Variants in ATP11C observed in about 807,000 individuals in gnomAD.
The protein encoded by ATP11C is phospholipid-transporting ATPase IG.
Under a neutral mutation model 97.4 loss-of-function variants are expected in ATP11C, and 36 were observed. That is an observed-to-expected ratio of 0.37 (90% CI 0.28 to 0.49). ATP11C has a LOEUF of 0.49. Ranked by LOEUF, ATP11C falls within the 20% of genes least tolerant of loss-of-function variation. The pLI, the probability that ATP11C is intolerant of heterozygous loss-of-function variation, is 0.98. For missense variants in ATP11C, 730 were observed against 824.6 expected, an observed-to-expected ratio of 0.89 and a Z score of 1.40; for synonymous variants, 275 against 290.9, an observed-to-expected ratio of 0.95 and a Z score of 0.56.
intron 27 of ATP11C, 38 bp downstream of exon 27, chrX:139,740,953 G>A (rs367963772): frequency 3.4e-6 from 3 of 879,332 alleles, no homozygotes; most frequent in Non-Finnish European, 5.0e-6. Context: ...TATCTACTTT[G>A]CTATTTACAT....
intron 20 of ATP11C, among the ~76,000 whole-genome samples, chrX:139,765,361 T>G: frequency 9.0e-6 from 1 of 111,707 alleles, no homozygotes; most frequent in East Asian, 2.8e-4. Flanking sequence ...ATAAATGAAG[T>G]AGTAGAGTTA....
chrX:139,898,271 T>C (rs1187981220), intron 1 of ATP11C, among the ~76,000 whole-genome samples: 2 of 111,503 alleles, frequency 1.8e-5, no homozygotes, highest in African/African-American at 6.5e-5. Flanking sequence ...GCTGTTATTA[T>C]CCCTTCAGAT....
In ATP11C at chrX:139,914,134, A is replaced by G. The variant is rs550253440; in HGVS notation, c.27+17882T>C. Among the ~76,000 whole-genome samples, 128 of 112,301 alleles carry G rather than the reference A, an allele frequency of 1.1e-3. 1 individual carries two copies. The South Asian group carries it at 0.013, about 11-fold the overall frequency. Reference sequence around the variant, plus strand: ...GCCCATGCAGTTCACAGATAAGGAAACTGAAGACAAGGGCAATAGAACTGA... The same window carrying G: ...GCCCATGCAGTTCACAGATAAGGAAGCTGAAGACAAGGGCAATAGAACTGA... On this transcript the variant is annotated intron_variant, in intron 1 of 29. Transcript: ENST00000682941.
chrX:139,924,190 G>T (rs369019230), intron 1 of ATP11C: 7 of 384,448 alleles, frequency 1.8e-5, no homozygotes, highest in Non-Finnish European at 3.7e-5. Flanking sequence ...CGCTAAACTG[G>T]CAGAAACATC....
At chrX:139,764,554 T>TA (rs962102128) in intron 20 of ATP11C, among the ~76,000 whole-genome samples, 2 of 111,523 alleles carry the variant, frequency 1.8e-5, no homozygotes, top group Admixed American at 9.5e-5. Context: ...TCTAGCGGCT[T>TA]AAAAAAAAAT....
intron 18 of ATP11C, among the ~76,000 whole-genome samples, chrX:139,780,644 G>T (rs892337068): frequency 1.8e-5 from 2 of 111,209 alleles, no homozygotes; most frequent in South Asian, 3.8e-4. Context: ...CTAAAAACTG[G>T]AACAAGACAG....
intron 1 of ATP11C, among the ~76,000 whole-genome samples, chrX:139,853,482 AAG>A (rs771092968): frequency 1.8e-5 from 2 of 110,777 alleles, no homozygotes; most frequent in African/African-American, 3.3e-5. Flanking sequence ...GTCAAAGAGA[AAG>A]AGAGAGAGAT....
intron 1 of ATP11C, among the ~76,000 whole-genome samples, chrX:139,896,573 AC>A (rs2084809674): frequency 9.4e-6 from 1 of 106,819 alleles, no homozygotes; most frequent in Non-Finnish European, 1.9e-5. Flanking sequence ...ACACACACAC[AC>A]ACACACACAC....
rs1025481746 is a variant in ATP11C at position 139,806,361 on chromosome X, T to G, written c.427-1762A>C. Among the ~76,000 whole-genome samples, 3 of 111,797 alleles carry G rather than the reference T, an allele frequency of 2.7e-5. No homozygotes were observed. The Admixed American group carries it at 2.8e-4, about 11-fold the overall frequency. On this transcript the variant is annotated intron_variant, in intron 5 of 29. Transcript: ENST00000682941. The stretch of plus-strand genomic sequence containing the variant: ...ACAAGAGAACATCACCACCTCCCAT[T>G]ACAAACATTAGGAAAAAATGGATAA...
chrX:139,927,744 G>GAA (rs745848984), intron 1 of ATP11C, among the ~76,000 whole-genome samples: 4 of 102,195 alleles, frequency 3.9e-5, no homozygotes, highest in African/African-American at 1.1e-4. Context: ...CAAAAAAAAG[G>GAA]AAAAAAAAAA....
intron 1 of ATP11C, among the ~76,000 whole-genome samples, chrX:139,883,461 TG>T (rs2084592376): frequency 9.0e-6 from 1 of 111,454 alleles, no homozygotes; most frequent in Non-Finnish European, 1.9e-5. Context: ...ATCCTAACTG[TG>T]GGACAAAGGT....
chrX:139,842,021 G>GT, intron 1 of ATP11C, among the ~76,000 whole-genome samples: 1 of 111,352 alleles, frequency 9.0e-6, no homozygotes, highest in Non-Finnish European at 1.9e-5. Flanking sequence ...GCATGAGCAG[G>GT]TTTTTTTGTT....
chrX:139,878,348 T>C (rs968768303), intron 1 of ATP11C, among the ~76,000 whole-genome samples: 2 of 112,119 alleles, frequency 1.8e-5, no homozygotes, highest in Admixed American at 1.9e-4. Flanking sequence ...TTACCAATAA[T>C]GTGGCCAAAA....
chrX:139,862,801 A>G (rs972129412), intron 1 of ATP11C, among the ~76,000 whole-genome samples: 2 of 111,817 alleles, frequency 1.8e-5, no homozygotes, highest in African/African-American at 6.5e-5. Flanking sequence ...TTCTAACCAC[A>G]CTGGAAAAGT....
At chrX:139,825,213 C>A (rs1352588549) in intron 2 of ATP11C, among the ~76,000 whole-genome samples, 1 of 111,461 alleles carries the variant, frequency 9.0e-6, no homozygotes, top group Non-Finnish European at 1.9e-5. Flanking sequence ...GAGGAAGGAA[C>A]CCAAACAGCA....
rs368260842 is a variant in ATP11C, at chrX:139,810,616, A to T, written c.426+4262T>A. Among the ~76,000 whole-genome samples, 18 of 112,540 alleles carry T rather than the reference A, an allele frequency of 1.6e-4. No individual in the cohort carries two copies. The East Asian group carries it at 4.4e-3, about 28-fold the overall frequency. On this transcript the variant is annotated intron_variant, in intron 5 of 29. Coordinates refer to ENST00000682941, the MANE Select transcript of ATP11C (RefSeq NM_001353812.2). ...ATATCCAAATTTGTAGGCTGTTGCTAAAGCAATACTTGGAGGAAAATTTAT... is the reference window on the plus strand; with the variant it reads ...ATATCCAAATTTGTAGGCTGTTGCTTAAGCAATACTTGGAGGAAAATTTAT...
intron 23 of ATP11C, among the ~76,000 whole-genome samples, chrX:139,751,804 T>C (rs2081823115): frequency 9.2e-6 from 1 of 108,878 alleles, no homozygotes; most frequent in Non-Finnish European, 1.9e-5. Flanking sequence ...AAAAAAGACA[T>C]TTAGTATCCT....
At chrX:139,739,427 C>T (rs1460756158) in intron 27 of ATP11C, among the ~76,000 whole-genome samples, 1 of 110,552 alleles carries the variant, frequency 9.0e-6, no homozygotes, top group Non-Finnish European at 1.9e-5. Flanking sequence ...ACGGGTGTGA[C>T]TCAATGCCTC....
At chrX:139,812,564 A>G (rs1426670280) in intron 5 of ATP11C, among the ~76,000 whole-genome samples, 9 of 97,871 alleles carry the variant, frequency 9.2e-5, no homozygotes, top group African/African-American at 3.2e-4. Context: ...TTTTTTTTTG[A>G]GACAGGGTCT....
Sources: gnomAD v4.1 joint callset for allele counts (sites outside exome capture counted in the v4.1 genomes callset) on GRCh38, gnomAD v4.1.1 for gene constraint, MANE v1.5 for transcripts, NCBI Gene and HGNC (gene_info 2026-07-23, HGNC 2026-07-21) for gene names.